Variants in PAG1 observed in about 807,000 individuals in gnomAD.
PAG1 encodes the protein phosphoprotein membrane anchor with glycosphingolipid microdomains 1.
PAG1 carries 23 observed loss-of-function variants against 31.7 expected under a neutral mutation model. That is an observed-to-expected ratio of 0.73 (90% confidence interval 0.52 to 1.03). PAG1 has a LOEUF of 1.03. Among genes scored for constraint, PAG1 ranks in the 50% least tolerant of loss-of-function variants. The pLI is 0.00. For synonymous variants in PAG1, 214 were observed against 210.3 expected, an observed-to-expected ratio of 1.02 and a Z score of -0.15; for missense variants, 473 against 540.7, an observed-to-expected ratio of 0.87 and a Z score of 1.24.
intron 3 of PAG1, among the ~76,000 whole-genome samples, chr8:80,993,580 G>A (rs142272680): frequency 1.3e-5 from 2 of 150,854 alleles, no homozygotes; most frequent in East Asian, 3.9e-4. Context: ...GATATGTTTG[G>A]GGGTGGATTC....
At chr8:81,090,310 G>A (rs1179874863) in intron 1 of PAG1, among the ~76,000 whole-genome samples, 1 of 152,168 alleles carries the variant, frequency 6.6e-6, no homozygotes, top group East Asian at 1.9e-4. Context: ...GCCAGACTCT[G>A]TTCTGATGCT....
chr8:81,034,238 C>A (rs555915673), intron 2 of PAG1, among the ~76,000 whole-genome samples: 5 of 152,174 alleles, frequency 3.3e-5, no homozygotes, highest in African/African-American at 1.2e-4. Context: ...AACAGTTCAA[C>A]GTACTGAGCA....
intron 3 of PAG1, among the ~76,000 whole-genome samples, chr8:81,024,552 G>C (rs1808243463): frequency 6.6e-6 from 1 of 152,176 alleles, no homozygotes; most frequent in African/African-American, 2.4e-5. Context: ...CCTATGAAGT[G>C]TATCTACTGA....
intron 1 of PAG1, among the ~76,000 whole-genome samples, chr8:81,103,155 A>G (rs758313299): frequency 2.2e-3 from 71 of 31,688 alleles, no homozygotes; most frequent in Middle Eastern, 0.012. Flanking sequence ...ATTTTGTGGG[A>G]AAAAAAAAAA....
At chr8:81,065,865 C>T (rs764671574) in intron 2 of PAG1, among the ~76,000 whole-genome samples, 141 of 150,292 alleles carry the variant, frequency 9.4e-4, no homozygotes, top group Admixed American at 4.9e-3. Context: ...TATCATATGT[C>T]ATATATATAT....
At chr8:80,997,114 T>C (rs1278704001) in intron 3 of PAG1, among the ~76,000 whole-genome samples, 1 of 152,236 alleles carries the variant, frequency 6.6e-6, no homozygotes, top group African/African-American at 2.4e-5. Context: ...AAGTAAGTTA[T>C]GTCTTGACTA....
At chr8:81,013,147 T>A (rs139444368) in intron 3 of PAG1, among the ~76,000 whole-genome samples, 1 of 152,346 alleles carries the variant, frequency 6.6e-6, no homozygotes, top group Non-Finnish European at 1.5e-5. Context: ...ACCACACATT[T>A]GAGAAAACAC....
chr8:80,979,248 T>C (rs1807247355), intron 8 of PAG1, among the ~76,000 whole-genome samples: 1 of 152,252 alleles, frequency 6.6e-6, no homozygotes, highest in Non-Finnish European at 1.5e-5. Flanking sequence ...CTATATATTT[T>C]ACCTTCTTGT....
At chr8:81,020,501 A>G (rs1442900531) in intron 3 of PAG1, among the ~76,000 whole-genome samples, 3 of 152,128 alleles carry the variant, frequency 2.0e-5, no homozygotes, top group Admixed American at 2.0e-4. Flanking sequence ...GGTTTTATAA[A>G]TGGGAGTTCC....
chr8:81,069,578 C>A (rs1809061468), intron 2 of PAG1, among the ~76,000 whole-genome samples: 1 of 152,158 alleles, frequency 6.6e-6, no homozygotes, highest in Non-Finnish European at 1.5e-5. Context: ...CAGAAGATGA[C>A]CCAAGGTTAT....
At chr8:80,993,599 C>CT (rs56960149) in intron 3 of PAG1, among the ~76,000 whole-genome samples, 165 of 135,920 alleles carry the variant, frequency 1.2e-3, no homozygotes, top group Non-Finnish European at 1.7e-3. Flanking sequence ...TCTTCTTGTT[C>CT]TTTTTTTTTT....
chr8:81,027,628 G>A (rs1023150320), intron 3 of PAG1, among the ~76,000 whole-genome samples: 75 of 152,268 alleles, frequency 4.9e-4, no homozygotes, highest in African/African-American at 1.8e-3. Flanking sequence ...CCAAGAGGCC[G>A]GGCGCGGTGG....
chr8:81,058,922 T>C (rs956445306), intron 2 of PAG1, among the ~76,000 whole-genome samples: 1 of 152,152 alleles, frequency 6.6e-6, no homozygotes, highest in East Asian at 1.9e-4. Flanking sequence ...TCTTCTTAAC[T>C]CAATAAGTGT....
intron 3 of PAG1, among the ~76,000 whole-genome samples, chr8:80,996,860 A>G (rs1456409085): frequency 6.6e-6 from 1 of 152,168 alleles, no homozygotes; most frequent in African/African-American, 2.4e-5. Context: ...TCTTAGGATG[A>G]GTGATGGGGG....
intron 2 of PAG1, among the ~76,000 whole-genome samples, chr8:81,049,326 T>C (rs1009625437): frequency 6.6e-6 from 1 of 152,248 alleles, no homozygotes. Flanking sequence ...TAAACCTTTA[T>C]ATTATGTGCT....
At chr8:81,063,127 C>A (rs1364162420) in intron 2 of PAG1, among the ~76,000 whole-genome samples, 1 of 152,082 alleles carries the variant, frequency 6.6e-6, no homozygotes, top group African/African-American at 2.4e-5. Context: ...AATGAAAGCC[C>A]TATTTGGAAC....
At position 80,990,476 on chromosome 8, in the gene PAG1, CAAG is replaced by C. The variant is rs879535910; in HGVS notation, c.177+1000_177+1002del. Among the ~76,000 whole-genome samples, 1 of 152,190 alleles carries C rather than the reference CAAG, an allele frequency of 6.6e-6. No individual in the cohort carries two copies. The highest frequency in any genetic ancestry group is 1.5e-5 in the Non-Finnish European group (1 of 68,034). ...TGACCTTGAGAAATGATGTCCTGAACAAGAAGCATCTTCTGTCTTAGCACTGCC... is the reference window on the plus strand; with the variant it reads ...TGACCTTGAGAAATGATGTCCTGAACAAGCATCTTCTGTCTTAGCACTGCC... On this transcript the variant is annotated intron_variant, in intron 5 of 8. Coordinates refer to ENST00000220597, the MANE Select transcript of PAG1 (RefSeq NM_018440.4). This position sits in a 1 kb window ranked among gnomAD's most constrained non-coding sequence, Gnocchi z 5.1.
intron 2 of PAG1, among the ~76,000 whole-genome samples, chr8:81,042,689 G>T (rs1194603996): frequency 6.6e-6 from 1 of 152,022 alleles, no homozygotes; most frequent in African/African-American, 2.4e-5. Context: ...AGAGTCAAGC[G>T]GAGATGGGAA....
chr8:81,027,966 C>G (rs1808313118), intron 3 of PAG1, among the ~76,000 whole-genome samples: 1 of 150,082 alleles, frequency 6.7e-6, no homozygotes, highest in Non-Finnish European at 1.5e-5. Context: ...AGAAATTTCT[C>G]TTTAAGCCTA....
Sources: gnomAD v4.1 joint callset for allele counts (sites outside exome capture counted in the v4.1 genomes callset) on GRCh38, gnomAD v4.1.1 for gene constraint, Gnocchi (gnomAD v3.1) non-coding constraint, MANE v1.5 for transcripts, NCBI Gene and HGNC (gene_info 2026-07-23, HGNC 2026-07-21) for gene names.